The following CADPS variants were observed in gnomAD, a reference collection of about 807,000 sequenced individuals.
The protein encoded by CADPS is calcium-dependent secretion activator 1.
CADPS carries 57 observed loss-of-function variants against 167.3 expected under a neutral mutation model. That is an observed-to-expected ratio of 0.34 (90% confidence interval 0.28 to 0.42). The LOEUF (loss-of-function observed/expected upper bound fraction) is 0.42, where lower values mean the gene tolerates loss of function less well. CADPS is among the 20% of genes least tolerant of loss of function. The pLI, the probability that CADPS is intolerant of heterozygous loss-of-function variation, is 1.00. For missense variants in CADPS, 1,414 were observed against 1,738.1 expected (o/e 0.81, Z 3.32); for synonymous variants, 676 against 635.3 (o/e 1.06, Z -0.96).
intron 11 of CADPS, among the ~76,000 whole-genome samples, chr3:62,543,099 C>A (rs1351752314): frequency 1.3e-5 from 2 of 152,044 alleles, no homozygotes; most frequent in African/African-American, 4.8e-5. Context: ...CTGTTTAGAT[C>A]AAATCATGGT....
rs527647609 is a variant in CADPS, at chr3:62,479,585, G to A, written c.3174-1169C>T. Among the ~76,000 whole-genome samples, 64 of 152,358 alleles carry A rather than the reference G, an allele frequency of 4.2e-4. No homozygotes were observed. In the South Asian group the frequency reaches 7.0e-3, roughly 17 times the overall value. On this transcript the variant is annotated intron_variant, in intron 22 of 29. Coordinates refer to ENST00000383710, the MANE Select transcript of CADPS (RefSeq NM_003716.4). ...ACTGCAGGGCGGGGAGGGGGCACAC[G>A]CCCAAGCATGCTGAGAGGGAGCCTA...
intron 3 of CADPS, among the ~76,000 whole-genome samples, chr3:62,663,708 A>G (rs575852417): frequency 2.5e-4 from 38 of 152,114 alleles, no homozygotes; most frequent in African/African-American, 7.7e-4. Flanking sequence ...ACTGGAAAAT[A>G]TATGGTCATA....
intron 3 of CADPS, among the ~76,000 whole-genome samples, chr3:62,724,815 G>A (rs1316239004): frequency 6.6e-6 from 1 of 152,186 alleles, no homozygotes; most frequent in African/African-American, 2.4e-5. Flanking sequence ...AGACAAATCT[G>A]ATCATACCTC....
At chr3:62,652,418 A>G (rs1325437762) in intron 4 of CADPS, among the ~76,000 whole-genome samples, 1 of 151,922 alleles carries the variant, frequency 6.6e-6, no homozygotes, top group South Asian at 2.1e-4. Flanking sequence ...AAAAAAAAAA[A>G]AAAAATAAGC....
intron 23 of CADPS, among the ~76,000 whole-genome samples, chr3:62,476,192 TG>T (rs775751729): frequency 1.3e-4 from 20 of 152,198 alleles, no homozygotes; most frequent in Non-Finnish European, 2.5e-4. Flanking sequence ...ATTGACTTTT[TG>T]TCATGGCATA....
At position 62,530,788 on chromosome 3, in the gene CADPS, A is replaced by C. The variant is rs754314508; in HGVS notation, c.2291+2083T>G. The C allele has an allele frequency of 2.1e-5, 27 of 1,283,506 alleles. No individual in the cohort carries two copies. In the South Asian group the frequency reaches 3.1e-4, roughly 15 times the overall value. 79.5% of individuals were successfully genotyped at this position (1,283,506 alleles called of 1,614,324 possible). On this transcript the variant is annotated intron_variant, in intron 13 of 29. Transcript: ENST00000383710. ...CAGGGTCTGTATTTGGTGGCAGCCC[A>C]CTAAGGTACACATGCATTTGTTGAC...
intron 18 of CADPS, among the ~76,000 whole-genome samples, chr3:62,498,776 G>A (rs1340169130): frequency 6.6e-6 from 1 of 150,916 alleles, no homozygotes; most frequent in Non-Finnish European, 1.5e-5. Context: ...GAGAAAGAAG[G>A]TCTGTGGTTC....
chr3:62,758,040 G>A (rs2084428567), intron 2 of CADPS, among the ~76,000 whole-genome samples: 1 of 152,172 alleles, frequency 6.6e-6, no homozygotes. Flanking sequence ...GATTTGAGTG[G>A]GGACAAAGCC....
rs186590518 is a variant in CADPS at position 62,728,481 on chromosome 3, A to C, written c.888+24960T>G. ...AATCTCAGTTTTCCTTTTTCTGACT[A>C]TATCTTCATTTCCTTAACTTTCCCC... On this transcript the variant is annotated intron_variant, in intron 3 of 29. Coordinates refer to ENST00000383710, the MANE Select transcript of CADPS (RefSeq NM_003716.4). Among the ~76,000 whole-genome samples the C allele has an allele frequency of 1.1e-4, 17 of 151,846 alleles. 1 individual carries two copies. Among genetic ancestry groups the C allele is most frequent in the African/African-American group, 3.9e-4 (16 of 41,168 alleles).
At position 62,731,805 on chromosome 3, in the gene CADPS, C is replaced by CAAAAAAAAAAAAAAAAAAAAA. The variant is rs1212456893; in HGVS notation, c.888+21615_888+21635dup. On this transcript the variant is annotated intron_variant, in intron 3 of 29. Coordinates refer to ENST00000383710, the MANE Select transcript of CADPS (RefSeq NM_003716.4). The stretch of plus-strand genomic sequence containing the variant: ...CCTGGTGAAAGAAACTGATCATATG[C>CAAAAAAAAAAAAAAAAAAAAA]AAAAAAAAAAAAAAAAAAAAAAAAA... Among the ~76,000 whole-genome samples, 50 of 27,138 alleles carry CAAAAAAAAAAAAAAAAAAAAA rather than the reference C, an allele frequency of 1.8e-3. 1 individual carries two copies. The highest frequency in any genetic ancestry group is 2.1e-3 in the African/African-American group (13 of 6,096). 17.8% of individuals were successfully genotyped at this position (27,138 alleles called of 152,430 possible).
intron 25 of CADPS, 141 bp downstream of exon 25, chr3:62,466,198 G>A (rs1228480264): frequency 1.6e-6 from 1 of 616,222 alleles, no homozygotes; most frequent in African/African-American, 1.9e-5. Flanking sequence ...ATTTAGAGCT[G>A]AGGCTGGGTG....
chr3:62,769,881 TA>T (rs1196095906), intron 1 of CADPS, among the ~76,000 whole-genome samples: 1 of 152,014 alleles, frequency 6.6e-6, no homozygotes, highest in Non-Finnish European at 1.5e-5. Flanking sequence ...GGTTCCTCAT[TA>T]AAAAATTTGG....
intron 2 of CADPS, among the ~76,000 whole-genome samples, chr3:62,763,873 C>G (rs1408394382): frequency 6.6e-6 from 1 of 152,162 alleles, no homozygotes; most frequent in Non-Finnish European, 1.5e-5. Context: ...TTCTCAATGC[C>G]TGTATTCTTA....
At position 62,478,461 on chromosome 3, in the gene CADPS, AG is replaced by A. The variant is rs763106582; in HGVS notation, c.3174-46del. 8.3e-6 allele frequency: 13 copies of A among 1,569,702 alleles called. No individual in the cohort carries two copies. In the Middle Eastern group the frequency reaches 6.9e-4, roughly 83 times the overall value. ...AAAATGAGAGTCACCCACTGGCCTCAGGCTCTACAAAAACTAACACAGAGAC... is the reference window on the plus strand; with the variant it reads ...AAAATGAGAGTCACCCACTGGCCTCAGCTCTACAAAAACTAACACAGAGAC... On this transcript the variant is annotated intron_variant, in intron 22 of 29. Coordinates refer to ENST00000383710, the MANE Select transcript of CADPS (RefSeq NM_003716.4). The surrounding 1 kb of genome is among the most constrained non-coding windows in gnomAD (Gnocchi z 5.7).
At chr3:62,814,228 A>C (rs930849333) in intron 1 of CADPS, among the ~76,000 whole-genome samples, 23 of 152,152 alleles carry the variant, frequency 1.5e-4, no homozygotes, top group African/African-American at 5.5e-4. Flanking sequence ...GGTGATGTGA[A>C]GATCTAAAAA....
chr3:62,445,734 A>AACC, intron 27 of CADPS, 31 bp downstream of exon 27: 1 of 1,430,720 alleles, frequency 7.0e-7, no homozygotes, highest in Non-Finnish European at 9.4e-7. Context: ...AAACAAAAAA[A>AACC]CCCCATGAGA....
chr3:62,710,973 T>C (rs567768978), intron 3 of CADPS, among the ~76,000 whole-genome samples: 2 of 152,260 alleles, frequency 1.3e-5, no homozygotes, highest in South Asian at 4.1e-4. Flanking sequence ...TTTGTGAGGT[T>C]TGTGCCCCTC....
At chr3:62,501,856 TAG>T (rs1210972662) in intron 17 of CADPS, among the ~76,000 whole-genome samples, 2 of 152,240 alleles carry the variant, frequency 1.3e-5, no homozygotes, top group Non-Finnish European at 2.9e-5. Flanking sequence ...TAGATATCAA[TAG>T]ATACACATAA....
intron 19 of CADPS, 55 bp from the exon 20 acceptor site, chr3:62,492,501 G>C (rs769628698): frequency 1.3e-6 from 2 of 1,536,638 alleles, no homozygotes; most frequent in Non-Finnish European, 1.8e-6. Flanking sequence ...TTCTTTCTCG[G>C]ACATAAGACG....
Sources: allele counts gnomAD v4.1 joint callset (sites outside exome capture counted in the v4.1 genomes callset), GRCh38; gene constraint gnomAD v4.1.1; non-coding constraint Gnocchi (gnomAD v3.1); transcripts MANE v1.5; gene names NCBI Gene and HGNC (gene_info 2026-07-23, HGNC 2026-07-21).